The following LIG1 variants were observed in gnomAD, a reference collection of about 807,000 sequenced individuals.
The protein encoded by LIG1 is DNA ligase 1.
In LIG1, 70 loss-of-function variants were observed where a neutral mutation model predicts 115.7. The observed-to-expected ratio is 0.60, with a 90% CI of 0.50 to 0.74. LIG1 has a LOEUF of 0.74. Ranked by LOEUF, LIG1 falls within the 30% of genes least tolerant of loss-of-function variation. The pLI is 0.00. For missense variants in LIG1, 1,115 were observed against 1,225.6 expected, an observed-to-expected ratio of 0.91 and a Z score of 1.35; for synonymous variants, 487 against 495.3, an observed-to-expected ratio of 0.98 and a Z score of 0.22.
intron 12 of LIG1, among the ~76,000 whole-genome samples, chr19:48,138,861 A>G (rs1199181321): frequency 6.6e-6 from 1 of 152,162 alleles, no homozygotes; most frequent in East Asian, 1.9e-4. Flanking sequence ...GTCTGGTATG[A>G]CGTCAGTGCT....
At chr19:48,143,661 G>A in intron 10 of LIG1, 62 bp from the exon 11 acceptor site, 1 of 1,444,882 alleles carries the variant, frequency 6.9e-7, no homozygotes, top group Non-Finnish European at 9.7e-7. Context: ...CTGCCCGTCT[G>A]CACCCTTGCT....
chr19:48,155,087 C>T (rs150667032), intron 5 of LIG1, among the ~76,000 whole-genome samples: 4 of 152,222 alleles, frequency 2.6e-5, no homozygotes, highest in African/African-American at 9.6e-5. Flanking sequence ...CCTGACACAC[C>T]CCCAGGGCCA....
intron 20 of LIG1, 135 bp downstream of exon 20, chr19:48,127,775 T>C (rs2122480856): frequency 2.4e-6 from 2 of 816,798 alleles, no homozygotes; most frequent in East Asian, 4.9e-5. Context: ...TGGCAGCCAT[T>C]CTGCAGAAGG....
At chr19:48,118,723 A>C (rs1314894699) in intron 25 of LIG1, among the ~76,000 whole-genome samples, 2 of 151,804 alleles carry the variant, frequency 1.3e-5, no homozygotes, top group East Asian at 3.9e-4. Flanking sequence ...TTATTTCTTC[A>C]TAGCAGTATG....
intron 11 of LIG1, among the ~76,000 whole-genome samples, chr19:48,142,853 G>A (rs2034862006): frequency 6.6e-6 from 1 of 152,170 alleles, no homozygotes; most frequent in African/African-American, 2.4e-5. Flanking sequence ...ATGTTGGCCA[G>A]GCTGGTCTTG....
rs772473114 is a variant in LIG1, at chr19:48,121,259, G to A, written c.2296C>T (p.Leu766=). The A allele has an allele frequency of 5.0e-6, 8 of 1,613,500 alleles. No homozygotes were observed. Among genetic ancestry groups the A allele is most frequent in the African/African-American group, 2.7e-5 (2 of 74,924 alleles). The change falls in exon 24 of 28, where the codon CTG becomes TTG. Residue 766 remains leucine, a synonymous_variant. Transcript: ENST00000263274. ...CGGCCGGCCCGCTTCCCCCGGCCCA[G>A]GTAGGCGCCGATCACCACCAGGTCC... ...TLDLVVIGAY[L]GRGKRAGRYG...
At chr19:48,167,216 C>T (rs2036532387) in intron 1 of LIG1, among the ~76,000 whole-genome samples, 1 of 151,212 alleles carries the variant, frequency 6.6e-6, no homozygotes, top group South Asian at 2.1e-4. Context: ...AAATAAATTA[C>T]ACATTATAAT....
chr19:48,151,817 G>A (rs527522752), intron 6 of LIG1, among the ~76,000 whole-genome samples: 468 of 151,600 alleles, frequency 3.1e-3, no homozygotes, highest in African/African-American at 0.011. Context: ...CAGCCCGTTT[G>A]CCTATGTAGC....
At chr19:48,121,599 C>T (rs1468342696) in intron 23 of LIG1, among the ~76,000 whole-genome samples, 3 of 152,052 alleles carry the variant, frequency 2.0e-5, no homozygotes, top group East Asian at 1.9e-4. Context: ...GTCGGGAGTT[C>T]GAGACCAGTC....
chr19:48,123,229 G>A lies in LIG1; in HGVS notation c.2094C>T (p.Ser698=). The part of the protein sequence containing the change: ...ETEGEFVFAT[S]LDTKDIEQIA... ...TCTGCTCGATGTCCTTGGTGTCCAG[G>A]GAGGTGGCGAAGACAAACTCGCCCT... Residue 698 remains serine, a synonymous_variant, in exon 22 of 28, where the codon TCC becomes TCT. Transcript: ENST00000263274. 1.2e-6 allele frequency: 2 copies of A among 1,614,120 alleles called. No homozygotes were observed. The highest frequency in any genetic ancestry group is 1.3e-5 in the African/African-American group (1 of 75,008).
At chr19:48,133,324 GCAA>G in intron 17 of LIG1, 1 of 564,494 alleles carries the variant, frequency 1.8e-6, no homozygotes. Context: ...CGCAGCATGT[GCAA>G]TGTCTGGCTC....
chr19:48,130,755 T>A (rs1362395862), intron 19 of LIG1, among the ~76,000 whole-genome samples: 1 of 152,116 alleles, frequency 6.6e-6, no homozygotes, highest in East Asian at 1.9e-4. Context: ...GACATCTGTT[T>A]GGGAAACTCT....
chr19:48,134,512 G>A (rs922395039), intron 16 of LIG1, among the ~76,000 whole-genome samples: 1 of 152,152 alleles, frequency 6.6e-6, no homozygotes, highest in African/African-American at 2.4e-5. Flanking sequence ...ATAAAAGTTA[G>A]CTGGGGGTGG....
intron 2 of LIG1, among the ~76,000 whole-genome samples, chr19:48,163,525 CTTA>C (rs1309190296): frequency 1.3e-5 from 2 of 152,058 alleles, no homozygotes; most frequent in Non-Finnish European, 2.9e-5. Context: ...TACCTAAGCA[CTTA>C]TTATGTGCCA....
At chr19:48,135,964 C>T in intron 15 of LIG1, 70 bp downstream of exon 15, 1 of 1,310,420 alleles carries the variant, frequency 7.6e-7, no homozygotes, top group Non-Finnish European at 1.1e-6. Flanking sequence ...GGGCATGGGC[C>T]TCTGAAGAGG....
chr19:48,139,897 G>A (rs982752133), intron 12 of LIG1, 74 bp downstream of exon 12: 56 of 1,532,608 alleles, frequency 3.7e-5, no homozygotes, highest in Admixed American at 1.0e-4. Context: ...CCATCTCTCC[G>A]ATCCACCTGA....
rs34824188 is a variant in LIG1, at chr19:48,165,709, G to GA, written c.-57-87dup. 274,989 of 754,522 alleles carry GA rather than the reference G, an allele frequency of 0.36. 18,238 individuals carry two copies. The highest frequency in any genetic ancestry group is 0.47 in the East Asian group (16,825 of 35,988). The allele number at this position is 754,522 out of a possible 1,614,324, so 46.7% of individuals were successfully genotyped here. On this transcript the variant is annotated intron_variant, in intron 1 of 27. Transcript: ENST00000263274. ...TAAAACCCTTTCTTTAAGAAAGAAA[G>GA]AAAAAAAAAAACAGAAACATGAATT...
At chr19:48,157,688 GCGCCCGCCACCA>G (rs1235727055) in intron 4 of LIG1, among the ~76,000 whole-genome samples, 2 of 152,104 alleles carry the variant, frequency 1.3e-5, no homozygotes. Context: ...GGGATAACAG[GCGCCCGCCACCA>G]CGCCCAGCTA....
intron 14 of LIG1, among the ~76,000 whole-genome samples, 160 bp downstream of exon 14, chr19:48,136,848 G>A (rs1027741070): frequency 6.6e-6 from 1 of 152,212 alleles, no homozygotes; most frequent in Admixed American, 6.5e-5. Flanking sequence ...GAAAGGAAAT[G>A]GTGTCCCTTC....
Sources: gnomAD v4.1 joint callset for allele counts (sites outside exome capture counted in the v4.1 genomes callset) on GRCh38, gnomAD v4.1.1 for gene constraint, MANE v1.5 for transcripts, NCBI Gene and HGNC (gene_info 2026-07-23, HGNC 2026-07-21) for gene names.